APH1B: variants seen among roughly 807,000 people sequenced by gnomAD.
APH1B encodes the protein gamma-secretase subunit APH-1B.
In APH1B, 27 loss-of-function variants were observed where a neutral mutation model predicts 28.2. The ratio of observed to expected loss-of-function variants is 0.96; its 90% CI spans 0.70 to 1.32. The LOEUF is 1.32. Among genes scored for constraint, APH1B ranks in the 40% most tolerant of loss-of-function variants. The probability of loss-of-function intolerance (pLI) is 0.00; values close to 1 mark genes in which losing one functional copy is unlikely to be tolerated. For missense variants in APH1B, 305 were observed against 313.6 expected, an observed-to-expected ratio of 0.97 and a Z score of 0.21; for synonymous variants, 141 against 124.6, an observed-to-expected ratio of 1.13 and a Z score of -0.88.
Position 63,291,431 on chromosome 15 carries a change from C to T in APH1B, c.478+3885C>T, listed in dbSNP as rs542609921. ...CTTAAAACCTAGGCAAGCTTTTAAA[C>T]TTTTTAGCCACTAAACGTTTCACAA... On this transcript the variant is annotated intron_variant, in intron 4 of 5. Coordinates refer to ENST00000261879, the MANE Select transcript of APH1B (RefSeq NM_031301.4). 2.6e-5 allele frequency among the ~76,000 whole-genome samples: 4 copies of T among 152,274 alleles called. No individual in the cohort carries two copies. The East Asian group carries it at 7.7e-4, about 29-fold the overall frequency.
rs191974358 is a variant in APH1B at position 63,289,436 on chromosome 15, A to G, written c.478+1890A>G. ...ATATGTTTAGTATACTCCATTACAAATGCCTAAATAATAATCAGAATAAAT... is the reference window on the plus strand; with the variant it reads ...ATATGTTTAGTATACTCCATTACAAGTGCCTAAATAATAATCAGAATAAAT... On this transcript the variant is annotated intron_variant, in intron 4 of 5. Transcript: ENST00000261879. Among the ~76,000 whole-genome samples the G allele has an allele frequency of 4.0e-3, 607 of 152,312 alleles. 5 individuals are homozygous for G. The highest frequency in any genetic ancestry group is 5.6e-3 in the Non-Finnish European group (380 of 68,038).
At chr15:63,279,628 CTTATA>C (rs1405026805) in intron 2 of APH1B, among the ~76,000 whole-genome samples, 2 of 152,006 alleles carry the variant, frequency 1.3e-5, no homozygotes, top group South Asian at 2.1e-4. Flanking sequence ...CTTCATGGAG[CTTATA>C]TTATAGTAGG....
chr15:63,286,527 C>G, intron 2 of APH1B, 31 bp from the exon 3 acceptor site: 108 of 773,078 alleles, frequency 1.4e-4, no homozygotes, highest in Non-Finnish European at 1.7e-4. Context: ...TTTTTTTTTT[C>G]TTCTTAATTA....
At chr15:63,278,959 C>T (rs142879127) in intron 1 of APH1B, among the ~76,000 whole-genome samples, 1 of 152,210 alleles carries the variant, frequency 6.6e-6, no homozygotes, top group African/African-American at 2.4e-5. Flanking sequence ...CAGCCTTCCT[C>T]TTGGACACGT....
intron 4 of APH1B, among the ~76,000 whole-genome samples, chr15:63,288,557 C>T (rs1034285733): frequency 6.6e-6 from 1 of 152,182 alleles, no homozygotes; most frequent in Non-Finnish European, 1.5e-5. Flanking sequence ...CATGTGAATC[C>T]TGTATGCAAC....
chr15:63,295,077 C>G (rs962191202), intron 4 of APH1B, among the ~76,000 whole-genome samples: 1 of 152,200 alleles, frequency 6.6e-6, no homozygotes, highest in Non-Finnish European at 1.5e-5. Context: ...CCTGCAATTT[C>G]CATCTAAATC....
chr15:63,286,101 A>G (rs538185556), intron 2 of APH1B, among the ~76,000 whole-genome samples: 1 of 152,344 alleles, frequency 6.6e-6, no homozygotes, highest in East Asian at 1.9e-4. Flanking sequence ...AGTGGAAGGT[A>G]CAAGGGAGGG....
At chr15:63,302,787 C>G (rs961583547) in intron 5 of APH1B, among the ~76,000 whole-genome samples, 1 of 152,142 alleles carries the variant, frequency 6.6e-6, no homozygotes, top group Non-Finnish European at 1.5e-5. Context: ...ATTCCAGACT[C>G]GGCACCATGA....
chr15:63,294,883 T>C (rs1358126572), intron 4 of APH1B, among the ~76,000 whole-genome samples: 2 of 152,244 alleles, frequency 1.3e-5, no homozygotes, highest in Admixed American at 6.5e-5. Context: ...TAAATACTGC[T>C]GACTTCTTAT....
chr15:63,300,650 G>A (rs770340601), intron 4 of APH1B, among the ~76,000 whole-genome samples: 8 of 152,250 alleles, frequency 5.3e-5, no homozygotes, highest in Non-Finnish European at 7.4e-5. Flanking sequence ...CTGCCATAGC[G>A]TCAAAACTTT....
intron 4 of APH1B, among the ~76,000 whole-genome samples, chr15:63,299,823 T>C (rs563951383): frequency 2.0e-5 from 3 of 152,004 alleles, no homozygotes; most frequent in South Asian, 4.2e-4. Context: ...GAACATCCAA[T>C]TGGAAAAGGC....
intron 4 of APH1B, among the ~76,000 whole-genome samples, chr15:63,301,503 A>G (rs1437395487): frequency 6.6e-6 from 1 of 152,220 alleles, no homozygotes; most frequent in Non-Finnish European, 1.5e-5. Flanking sequence ...CCCCAGAAAA[A>G]ACCTGGTGGT....
intron 4 of APH1B, among the ~76,000 whole-genome samples, chr15:63,299,597 G>A (rs1032097540): frequency 1.3e-5 from 2 of 151,962 alleles, no homozygotes; most frequent in South Asian, 2.1e-4. Context: ...GTACAGACGG[G>A]GTTTTACCGT....
intron 2 of APH1B, among the ~76,000 whole-genome samples, chr15:63,282,052 T>C (rs1274278175): frequency 6.6e-6 from 1 of 152,234 alleles, no homozygotes; most frequent in Non-Finnish European, 1.5e-5. Flanking sequence ...GCCTTTAGAA[T>C]ATTCAAAATT....
intron 5 of APH1B, among the ~76,000 whole-genome samples, chr15:63,303,021 G>A (rs1046624151): frequency 6.6e-6 from 1 of 152,144 alleles, no homozygotes; most frequent in Non-Finnish European, 1.5e-5. Context: ...ATGATTAAAA[G>A]GAAAGAACCT....
intron 4 of APH1B, among the ~76,000 whole-genome samples, chr15:63,298,897 T>TAAAA (rs11361217): frequency 7.0e-6 from 1 of 142,962 alleles, no homozygotes; most frequent in Non-Finnish European, 1.5e-5. Context: ...GTGTTGAATG[T>TAAAA]AAAAAAAAAA....
intron 4 of APH1B, among the ~76,000 whole-genome samples, chr15:63,301,281 A>G (rs1325903447): frequency 6.6e-6 from 1 of 152,256 alleles, no homozygotes; most frequent in Non-Finnish European, 1.5e-5. Context: ...CTGTTTTCCT[A>G]TCAGCAGTAT....
chr15:63,277,727 T>A lies in APH1B; in HGVS notation c.104T>A (p.Leu35His). The change falls in exon 1 of 6, where the codon CTC becomes CAC. Residue 35 changes from leucine to histidine, a missense_variant. Coordinates refer to ENST00000261879, the MANE Select transcript of APH1B (RefSeq NM_031301.4). The part of the protein sequence containing the change: ...IATEPLRIIF[L>H]IAGAFFWLVS... Reference sequence around the variant, plus strand: ...ACCGAGCCGTTGCGTATCATCTTCCTCATCGCCGGGTGAGGCGGTCGCGTC... The same window carrying A: ...ACCGAGCCGTTGCGTATCATCTTCCACATCGCCGGGTGAGGCGGTCGCGTC... 2 of 1,610,102 alleles carry A rather than the reference T, an allele frequency of 1.2e-6. No individual in the cohort carries two copies. The highest frequency in any genetic ancestry group is 1.7e-6 in the Non-Finnish European group (2 of 1,178,158).
At chr15:63,277,784 C>T (rs547636491) in intron 1 of APH1B, 48 bp downstream of exon 1, 21 of 1,563,916 alleles carry the variant, frequency 1.3e-5, no homozygotes, top group Non-Finnish European at 1.8e-5. Flanking sequence ...TCCCCTCCCC[C>T]GCTGGGGTTA....
Sources: allele counts gnomAD v4.1 joint callset (sites outside exome capture counted in the v4.1 genomes callset), GRCh38; gene constraint gnomAD v4.1.1; transcripts MANE v1.5; gene names NCBI Gene and HGNC (gene_info 2026-07-23, HGNC 2026-07-21).